Variants in EEFSEC observed in about 807,000 individuals in gnomAD.
EEFSEC encodes selenocysteine-specific elongation factor.
In EEFSEC, 43 loss-of-function variants were observed where a neutral mutation model predicts 42.1. The ratio of observed to expected loss-of-function variants is 1.02; its 90% CI spans 0.80 to 1.32. The LOEUF (loss-of-function observed/expected upper bound fraction) is 1.32, where lower values mean the gene tolerates loss of function less well. Among genes scored for constraint, EEFSEC ranks in the 40% most tolerant of loss-of-function variants. The pLI is 0.00. For synonymous variants in EEFSEC, 354 were observed against 339.1 expected (o/e 1.04, Z -0.48); for missense variants, 745 against 803.6 (o/e 0.93, Z 0.88).
chr3:128,293,420 G>T (rs2066664875), intron 4 of EEFSEC, among the ~76,000 whole-genome samples: 2 of 152,030 alleles, frequency 1.3e-5, no homozygotes, highest in South Asian at 4.2e-4. Context: ...AACTTCCCTT[G>T]GGAGGCCAAG....
intron 4 of EEFSEC, among the ~76,000 whole-genome samples, chr3:128,273,775 G>A (rs554864911): frequency 5.3e-4 from 81 of 152,348 alleles, no homozygotes; most frequent in African/African-American, 1.9e-3. Flanking sequence ...GGTTGGAGCA[G>A]GGGAGAAATG....
intron 4 of EEFSEC, among the ~76,000 whole-genome samples, chr3:128,278,369 C>T (rs1276978618): frequency 6.6e-6 from 1 of 152,178 alleles, no homozygotes; most frequent in Non-Finnish European, 1.5e-5. Flanking sequence ...CCGATGGACC[C>T]CAGATCTCTG....
intron 3 of EEFSEC, among the ~76,000 whole-genome samples, chr3:128,263,000 T>C (rs2066314757): frequency 6.6e-6 from 1 of 152,206 alleles, no homozygotes; most frequent in African/African-American, 2.4e-5. Flanking sequence ...ATCTACTCTT[T>C]CTTGCCTCAG....
At chr3:128,262,916 C>T (rs1294664880) in intron 3 of EEFSEC, among the ~76,000 whole-genome samples, 2 of 152,178 alleles carry the variant, frequency 1.3e-5, no homozygotes, top group Non-Finnish European at 2.9e-5. Context: ...GGAGTAGCAA[C>T]GTGCATGGCT....
At chr3:128,192,482 T>C (rs1377506191) in intron 1 of EEFSEC, among the ~76,000 whole-genome samples, 2 of 152,246 alleles carry the variant, frequency 1.3e-5, no homozygotes, top group Non-Finnish European at 2.9e-5. Flanking sequence ...CTTTCTTTCC[T>C]GTCACCCTGG....
In EEFSEC at chr3:128,408,167, G is replaced by T. The variant is rs755485270; in HGVS notation, c.1699G>T (p.Glu567Ter). The change falls in exon 7 of 7, where the codon GAG becomes TAG. Residue 567 changes from glutamate (E) to a stop codon, truncating the protein, a stop_gained. Coordinates refer to ENST00000254730, the MANE Select transcript of EEFSEC (RefSeq NM_021937.5). LOFTEE classifies it high-confidence loss of function. ...GGCCACCAGGCAGGAGGAGAGCGCC[G>T]AGCGGAGCGAGCCCTCACAGCATGT... is the stretch of plus-strand genomic sequence containing the variant. ...GEATRQEESA[E>*]RSEPSQHVVL... 1 of 1,612,694 alleles carries T rather than the reference G, an allele frequency of 6.2e-7. No homozygotes were observed. Among genetic ancestry groups the T allele is most frequent in the East Asian group, 2.2e-5 (1 of 44,844 alleles).
chr3:128,337,412 A>G (rs1212983439), intron 4 of EEFSEC, among the ~76,000 whole-genome samples: 2 of 152,212 alleles, frequency 1.3e-5, no homozygotes, highest in Admixed American at 1.3e-4. Context: ...CTTTGAATAA[A>G]GCCTGCTTGA....
intron 6 of EEFSEC, among the ~76,000 whole-genome samples, chr3:128,390,291 T>C (rs2067892742): frequency 6.6e-6 from 1 of 152,234 alleles, no homozygotes; most frequent in Non-Finnish European, 1.5e-5. Context: ...TAATGTGTAC[T>C]ATATAGAGGA....
intron 4 of EEFSEC, among the ~76,000 whole-genome samples, chr3:128,300,939 G>T (rs528082138): frequency 8.6e-4 from 130 of 151,254 alleles, no homozygotes; most frequent in African/African-American, 3.0e-3. Context: ...CATGTTTCTT[G>T]CATATGCCTA....
At chr3:128,271,597 G>A (rs897194993) in intron 4 of EEFSEC, among the ~76,000 whole-genome samples, 2 of 152,166 alleles carry the variant, frequency 1.3e-5, no homozygotes, top group Non-Finnish European at 2.9e-5. Flanking sequence ...AAGGTTTTGG[G>A]AAAGCCAGAG....
intron 4 of EEFSEC, among the ~76,000 whole-genome samples, chr3:128,291,472 C>A (rs574506253): frequency 1.6e-4 from 25 of 152,324 alleles, no homozygotes; most frequent in African/African-American, 5.3e-4. Flanking sequence ...CTGCTAGGTT[C>A]TGACACAGCA....
In EEFSEC at chr3:128,208,546, G is replaced by A. The variant is rs987139433; in HGVS notation, c.317-38290G>A. Among the ~76,000 whole-genome samples, 9 of 152,334 alleles carry A rather than the reference G, an allele frequency of 5.9e-5. No homozygotes were observed. In the East Asian group the frequency reaches 1.7e-3, roughly 29 times the overall value. On this transcript the variant is annotated intron_variant, in intron 1 of 6. Transcript: ENST00000254730. ...TAGTGCCCAAGGCAATCTGTTGCCA[G>A]AATTGACCTTGAAAATTCCTTGGGA...
chr3:128,260,966 C>G (rs377556753), intron 2 of EEFSEC, among the ~76,000 whole-genome samples: 1 of 34,778 alleles, frequency 2.9e-5, no homozygotes, highest in Admixed American at 3.4e-4. Flanking sequence ...ACAGCCAAGG[C>G]AAAAAAAAAA....
intron 2 of EEFSEC, among the ~76,000 whole-genome samples, chr3:128,259,639 C>T (rs2066278000): frequency 6.6e-6 from 1 of 152,114 alleles, no homozygotes; most frequent in Non-Finnish European, 1.5e-5. Flanking sequence ...TTCATTAAGC[C>T]CTTTGCTCCT....
intron 4 of EEFSEC, among the ~76,000 whole-genome samples, chr3:128,307,374 AG>A (rs1226142165): frequency 6.6e-6 from 1 of 152,182 alleles, no homozygotes; most frequent in Non-Finnish European, 1.5e-5. Flanking sequence ...GGAGATTAGC[AG>A]GGGCTTTTCT....
At chr3:128,348,391 G>A (rs1160188917) in intron 5 of EEFSEC, among the ~76,000 whole-genome samples, 1 of 151,938 alleles carries the variant, frequency 6.6e-6, no homozygotes, top group East Asian at 1.9e-4. Context: ...TTGAATCTTA[G>A]TAATAAAATT....
intron 6 of EEFSEC, among the ~76,000 whole-genome samples, chr3:128,368,444 C>CAAAAAAAAAAAAAAAAAAAA (rs531725881): frequency 2.2e-5 from 1 of 46,470 alleles, no homozygotes. Flanking sequence ...CCAAAAAAAA[C>CAAAAAAAAAAAAAAAAAAAA]AAAAAAAAAA....
At chr3:128,174,170 A>G (rs1477205944) in intron 1 of EEFSEC, among the ~76,000 whole-genome samples, 1 of 152,156 alleles carries the variant, frequency 6.6e-6, no homozygotes, top group African/African-American at 2.4e-5. Flanking sequence ...CCTGGTACGA[A>G]TGCCCTTTGG....
intron 1 of EEFSEC, among the ~76,000 whole-genome samples, chr3:128,226,201 G>A (rs2065905809): frequency 6.6e-6 from 1 of 152,174 alleles, no homozygotes; most frequent in South Asian, 2.1e-4. Context: ...AGGCCCAGGA[G>A]CTTGACGAAG....
Sources: gnomAD v4.1 joint callset for allele counts (sites outside exome capture counted in the v4.1 genomes callset) on GRCh38, gnomAD v4.1.1 for gene constraint, MANE v1.5 for transcripts, NCBI Gene and HGNC (gene_info 2026-07-23, HGNC 2026-07-21) for gene names.